The following DYNLL1 variants were observed in gnomAD, a reference collection of about 807,000 sequenced individuals.
DYNLL1 encodes the protein dynein light chain LC8-type 1.
In DYNLL1, 3 loss-of-function variants were observed where a neutral mutation model predicts 10.1. That is an observed-to-expected ratio of 0.30 (90% confidence interval 0.14 to 0.77). The LOEUF (loss-of-function observed/expected upper bound fraction) is 0.77. Ranked by LOEUF, DYNLL1 falls within the 30% of genes least tolerant of loss-of-function variation. DYNLL1 has a pLI of 0.66. For synonymous variants in DYNLL1, 46 were observed against 41.2 expected, an observed-to-expected ratio of 1.12 and a Z score of -0.45; for missense variants, 47 against 111.7, an observed-to-expected ratio of 0.42 and a Z score of 2.61.
upstream of DYNLL1, chr12:120,491,444 G>A (rs996882315): frequency 6.6e-6 from 1 of 152,346 alleles, no homozygotes; most frequent in African/African-American, 2.4e-5. Flanking sequence ...TTCTGGATGG[G>A]GTCTTCAATC....
At chr12:120,472,831 G>A (rs1878679496) in intron 1 of DYNLL1, among the ~76,000 whole-genome samples, 1 of 152,154 alleles carries the variant, frequency 6.6e-6, no homozygotes, top group Non-Finnish European at 1.5e-5. Flanking sequence ...TAAATCCTTA[G>A]GAGGCATTTA....
upstream of DYNLL1, among the ~76,000 whole-genome samples, chr12:120,494,336 G>C (rs2137069218): frequency 6.6e-6 from 1 of 151,196 alleles, no homozygotes; most frequent in South Asian, 2.1e-4. Flanking sequence ...GAGTGCAATG[G>C]CGCGATCTCG....
rs998426477 is a variant in DYNLL1, at chr12:120,496,120, C to G, written c.-103C>G. On this transcript the variant is annotated 5_prime_UTR_variant, in exon 1 of 3. Transcript: ENST00000242577. ...GCTGGCGTGGGGCTGCTTAGATGCG[C>G]CACGGTTTCGGTAGCGACGGTATCT... The G allele has an allele frequency of 2.0e-6, 1 of 493,386 alleles. No homozygotes were observed. Among genetic ancestry groups the G allele is most frequent in the East Asian group, 3.7e-5 (1 of 26,834 alleles). The allele number at this position is 493,386 out of a possible 1,614,324, so 30.6% of individuals were successfully genotyped here. A position where few individuals can be genotyped will look rare whatever the true frequency, so the allele number is the denominator to read the frequency against.
chr12:120,476,023 A>C lies in DYNLL1; in HGVS notation c.-7+5919A>C, dbSNP rs557395514. ...CCCTCAACCCAGAACTTTTTCCAAA[A>C]CATTTTCCACTGTAACAAACCTTGA... is the stretch of plus-strand genomic sequence containing the variant. On this transcript the variant is annotated intron_variant, in intron 1 of 2. Coordinates refer to the DYNLL1 transcript ENST00000392509. Among the ~76,000 whole-genome samples, 147 of 152,332 alleles carry C rather than the reference A, an allele frequency of 9.6e-4. 1 individual carries two copies. The highest frequency in any genetic ancestry group is 3.5e-3 in the African/African-American group (145 of 41,568).
At chr12:120,481,242 C>T (rs191481671) in intron 1 of DYNLL1, among the ~76,000 whole-genome samples, 27 of 152,188 alleles carry the variant, frequency 1.8e-4, no homozygotes, top group African/African-American at 6.5e-4. Flanking sequence ...GTCATTTTTC[C>T]ACATCAATTG....
At chr12:120,481,495 CT>C (rs1341592715) in intron 1 of DYNLL1, among the ~76,000 whole-genome samples, 1 of 152,178 alleles carries the variant, frequency 6.6e-6, no homozygotes, top group African/African-American at 2.4e-5. Context: ...ACTCACAGAA[CT>C]CAGGACAGCA....
chr12:120,496,263 C>A, intron 1 of DYNLL1, 47 bp downstream of exon 1: 5 of 1,151,908 alleles, frequency 4.3e-6, no homozygotes, highest in Non-Finnish European at 6.1e-6. Context: ...CCTTATTTCG[C>A]CCCACTCCGG....
chr12:120,496,158 G>A lies in DYNLL1; in HGVS notation c.-65G>A. The A allele has an allele frequency of 1.7e-6, 1 of 582,944 alleles. No homozygotes were observed. The highest frequency in any genetic ancestry group is 3.0e-5 in the East Asian group (1 of 33,768). 36.1% of individuals were successfully genotyped at this position (582,944 alleles called of 1,614,324 possible). On this transcript the variant is annotated 5_prime_UTR_variant, in exon 1 of 3. The change abolishes the stop of an existing upstream ORF in the 5' untranslated region. Coordinates refer to ENST00000242577, the MANE Select transcript of DYNLL1 (RefSeq NM_003746.3). ...AGCGACGGTATCTCTAGCCGGGCCT[G>A]AGCTGTGCTAGCACCTCCCCCAGGA...
intron 1 of DYNLL1, among the ~76,000 whole-genome samples, chr12:120,479,459 AAAAAAAAAAAAT>A (rs947040297): frequency 7.6e-6 from 1 of 132,156 alleles, no homozygotes; most frequent in African/African-American, 2.8e-5. Flanking sequence ...CAAAAAAAAA[AAAAAAAAAAAAT>A]AATAATAATA....
chr12:120,473,422 A>AGT (rs1229165235), intron 1 of DYNLL1, among the ~76,000 whole-genome samples: 2 of 151,904 alleles, frequency 1.3e-5, no homozygotes, highest in African/African-American at 4.8e-5. Context: ...TGCCAGGCCC[A>AGT]GTGGCTCATG....
intron 1 of DYNLL1, among the ~76,000 whole-genome samples, chr12:120,482,625 C>G (rs1311770697): frequency 6.6e-6 from 1 of 151,820 alleles, no homozygotes; most frequent in African/African-American, 2.4e-5. Flanking sequence ...CCCGGCCTAG[C>G]CAAAACAATT....
At chr12:120,495,006 A>G (rs560827616), upstream of DYNLL1, among the ~76,000 whole-genome samples, 1 of 152,330 alleles carries the variant, frequency 6.6e-6, no homozygotes, top group African/African-American at 2.4e-5. Flanking sequence ...GAGAACTTCA[A>G]ATGTTTAATA....
rs1451509858 is a variant in DYNLL1 at position 120,496,743 on chromosome 12, T to G, written c.132+190T>G. 17 of 144,678 alleles carry G rather than the reference T, an allele frequency of 1.2e-4. No homozygotes were observed. The African/African-American group carries it at 5.1e-3, about 44-fold the overall frequency. The allele number at this position is 144,678 out of a possible 1,614,324, so 9.0% of individuals were successfully genotyped here. On this transcript the variant is annotated intron_variant, in intron 2 of 2. Transcript: ENST00000242577. ...AGACCAGACCCCCGGCGTCCGAAGT[T>G]TTTTTTTTTTTTTTTTTAATTACCC... is the stretch of plus-strand genomic sequence containing the variant.
At chr12:120,479,153 G>C (rs1295503791) in intron 1 of DYNLL1, among the ~76,000 whole-genome samples, 2 of 147,126 alleles carry the variant, frequency 1.4e-5, no homozygotes, top group Non-Finnish European at 3.0e-5. Flanking sequence ...GACAGAGCAA[G>C]TCTCCGTGTA....
chr12:120,497,645 TGATGAG>T (rs2137072680), intron 2 of DYNLL1: 1 of 157,130 alleles, frequency 6.4e-6, no homozygotes, highest in Admixed American at 6.4e-5. Context: ...AAGATCTTTG[TGATGAG>T]GAATGGGATG....
chr12:120,487,103 T>C (rs571481665), intron 1 of DYNLL1, among the ~76,000 whole-genome samples: 2 of 149,246 alleles, frequency 1.3e-5, no homozygotes, highest in South Asian at 4.2e-4. Context: ...GCCTCCCTAG[T>C]AGCTGGGACT....
intron 1 of DYNLL1, among the ~76,000 whole-genome samples, chr12:120,473,663 C>T (rs1435863837): frequency 8.2e-5 from 12 of 145,528 alleles, no homozygotes; most frequent in Non-Finnish European, 1.8e-4. Flanking sequence ...CCACTGAACT[C>T]CAGCCTGGTC....
In DYNLL1 at chr12:120,498,357, T is replaced by C; in HGVS notation, c.*147T>C. 4.4e-6 allele frequency: 4 copies of C among 914,710 alleles called. No homozygotes were observed. Among genetic ancestry groups the C allele is most frequent in the East Asian group, 2.7e-5 (1 of 36,760 alleles). The allele number at this position is 914,710 out of a possible 1,614,324, so 56.7% of individuals were successfully genotyped here. The stretch of plus-strand genomic sequence containing the variant: ...TTGTTGTGTTTTGTACAGGGCATTC[T>C]CTGTACTAGTTTGTCGTGGTTATAA... On this transcript the variant is annotated 3_prime_UTR_variant, in exon 3 of 3. Transcript: ENST00000242577.
chr12:120,488,060 A>G (rs554783892), intron 1 of DYNLL1: 1 of 152,296 alleles, frequency 6.6e-6, no homozygotes, highest in East Asian at 1.9e-4. Flanking sequence ...CTCATACAGA[A>G]AAACTTATTT....
Sources: allele counts gnomAD v4.1 joint callset (sites outside exome capture counted in the v4.1 genomes callset), GRCh38; gene constraint gnomAD v4.1.1; transcripts MANE v1.5; gene names NCBI Gene and HGNC (gene_info 2026-07-23, HGNC 2026-07-21).